The following TECRL variants were observed in gnomAD, a reference collection of about 807,000 sequenced individuals.
TECRL encodes trans-2,3-enoyl-CoA reductase like.
Under a neutral mutation model 52.8 loss-of-function variants are expected in TECRL, and 63 were observed. The ratio of observed to expected loss-of-function variants is 1.19; its 90% CI spans 0.97 to 1.47. The LOEUF (loss-of-function observed/expected upper bound fraction) is 1.47. Among genes scored for constraint, TECRL ranks in the 40% most tolerant of loss-of-function variants. The probability of loss-of-function intolerance (pLI) is 0.00; values close to 1 mark genes in which losing one functional copy is unlikely to be tolerated. For missense variants in TECRL, 482 were observed against 429.6 expected, an observed-to-expected ratio of 1.12 and a Z score of -1.08; for synonymous variants, 164 against 141.9, an observed-to-expected ratio of 1.16 and a Z score of -1.10.
At position 64,363,201 on chromosome 4, in the gene TECRL, G is replaced by T. The variant is rs1721326151; in HGVS notation, c.286+11971C>A. 4.6e-5 allele frequency among the ~76,000 whole-genome samples: 7 copies of T among 152,190 alleles called. No homozygotes were observed. In the South Asian group the frequency reaches 1.4e-3, roughly 32 times the overall value. ...CAGATTAATAAAACAAGTTCTTAGA[G>T]GTTTATGAAGAGACTTAGATAACCA... On this transcript the variant is annotated intron_variant, in intron 2 of 11. Coordinates refer to ENST00000381210, the MANE Select transcript of TECRL (RefSeq NM_001010874.5).
intron 1 of TECRL, among the ~76,000 whole-genome samples, chr4:64,379,247 T>TACACAC (rs4034911): frequency 2.7e-4 from 39 of 145,424 alleles, no homozygotes; most frequent in African/African-American, 7.4e-4. Flanking sequence ...CACACACACA[T>TACACAC]ACACACACAC....
intron 1 of TECRL, among the ~76,000 whole-genome samples, chr4:64,388,159 A>T: frequency 6.8e-6 from 1 of 147,302 alleles, no homozygotes; most frequent in African/African-American, 2.5e-5. Context: ...ATAGTTTTAC[A>T]TTTAGGTCTG....
At chr4:64,294,438 T>G (rs745982801) in intron 8 of TECRL, among the ~76,000 whole-genome samples, 1 of 152,076 alleles carries the variant, frequency 6.6e-6, no homozygotes, top group Admixed American at 6.6e-5. Context: ...TGAAAGAAAA[T>G]AGGTTATGAT....
At chr4:64,353,525 A>G (rs1391153525) in intron 2 of TECRL, among the ~76,000 whole-genome samples, 1 of 152,166 alleles carries the variant, frequency 6.6e-6, no homozygotes, top group African/African-American at 2.4e-5. Context: ...AATGTAAGAG[A>G]GACAGTGGTG....
At chr4:64,377,907 T>C (rs1411768117) in intron 1 of TECRL, among the ~76,000 whole-genome samples, 3 of 152,056 alleles carry the variant, frequency 2.0e-5, no homozygotes. Flanking sequence ...ATACTGCTCA[T>C]CCTGATTACA....
chr4:64,337,409 G>A (rs1318045003), intron 2 of TECRL, among the ~76,000 whole-genome samples: 1 of 152,108 alleles, frequency 6.6e-6, no homozygotes, highest in Admixed American at 6.5e-5. Flanking sequence ...TCAACATAGT[G>A]TTGGAAGTTC....
chr4:64,293,186 T>C (rs1408730543), intron 8 of TECRL, among the ~76,000 whole-genome samples: 1 of 152,086 alleles, frequency 6.6e-6, no homozygotes, highest in Non-Finnish European at 1.5e-5. Flanking sequence ...GAAGAATCAG[T>C]GTCTACACAC....
At chr4:64,297,925 G>T (rs1019985119) in intron 8 of TECRL, among the ~76,000 whole-genome samples, 4 of 150,958 alleles carry the variant, frequency 2.6e-5, no homozygotes, top group African/African-American at 9.7e-5. Context: ...GGACTAACAG[G>T]TCTTCTTTAT....
chr4:64,361,376 A>T (rs758670580), intron 2 of TECRL, among the ~76,000 whole-genome samples: 2 of 152,072 alleles, frequency 1.3e-5, no homozygotes, highest in Non-Finnish European at 2.9e-5. Context: ...AGGTGTGCCC[A>T]TATGCATGGA....
intron 7 of TECRL, among the ~76,000 whole-genome samples, chr4:64,302,592 T>A (rs1724085334): frequency 1.2e-5 from 1 of 86,622 alleles, no homozygotes; most frequent in African/African-American, 2.7e-5. Context: ...TCCAGTAACT[T>A]TTTTTTCTAA....
At chr4:64,330,428 T>C (rs973904988) in intron 2 of TECRL, among the ~76,000 whole-genome samples, 1 of 152,058 alleles carries the variant, frequency 6.6e-6, no homozygotes, top group African/African-American at 2.4e-5. Context: ...AGTTCAAATG[T>C]TGATAGCCCA....
chr4:64,332,411 T>G (rs2110053544), intron 2 of TECRL, among the ~76,000 whole-genome samples: 1 of 152,290 alleles, frequency 6.6e-6, no homozygotes, highest in East Asian at 1.9e-4. Flanking sequence ...CAGAGGCAAA[T>G]ATAAATCTTC....
intron 2 of TECRL, among the ~76,000 whole-genome samples, chr4:64,370,244 G>A (rs1278280127): frequency 5.9e-5 from 9 of 151,834 alleles, no homozygotes. Context: ...TTCATTTGAA[G>A]AGGAAATATG....
At chr4:64,291,697 GA>G (rs1392078111) in intron 8 of TECRL, among the ~76,000 whole-genome samples, 5 of 151,660 alleles carry the variant, frequency 3.3e-5, no homozygotes, top group Admixed American at 2.6e-4. Context: ...AATGAGCCAT[GA>G]AAAAAATAGC....
chr4:64,279,867 C>G lies in TECRL; in HGVS notation c.*205G>C, dbSNP rs1227387411. ...CCATGCAAATACATTCAGAGCTGTT[C>G]TTAGTTAATTGCATTTATAATTTAT... is the stretch of plus-strand genomic sequence containing the variant. On this transcript the variant is annotated 3_prime_UTR_variant, in exon 12 of 12. Coordinates refer to ENST00000381210, the MANE Select transcript of TECRL (RefSeq NM_001010874.5). 1 of 1,112,950 alleles carries G rather than the reference C, an allele frequency of 9.0e-7. No homozygotes were observed. Among genetic ancestry groups the G allele is most frequent in the African/African-American group, 1.6e-5 (1 of 60,672 alleles). The allele number at this position is 1,112,950 out of a possible 1,614,324, so 68.9% of individuals were successfully genotyped here.
At chr4:64,325,338 G>A (rs940157555) in intron 3 of TECRL, among the ~76,000 whole-genome samples, 1 of 152,162 alleles carries the variant, frequency 6.6e-6, no homozygotes, top group African/African-American at 2.4e-5. Context: ...TTATGTTTGA[G>A]TGCTATTTCT....
intron 2 of TECRL, among the ~76,000 whole-genome samples, chr4:64,356,901 A>T (rs1182676589): frequency 1.3e-5 from 2 of 152,292 alleles, no homozygotes; most frequent in South Asian, 4.1e-4. Context: ...AGTTGGATGG[A>T]GGAGATTAAT....
intron 1 of TECRL, among the ~76,000 whole-genome samples, chr4:64,379,527 T>C (rs1722632795): frequency 6.6e-6 from 1 of 152,120 alleles, no homozygotes; most frequent in Non-Finnish European, 1.5e-5. Context: ...ATACAATATA[T>C]GTTAATTGTT....
At chr4:64,328,948 T>A (rs1718441365) in intron 2 of TECRL, among the ~76,000 whole-genome samples, 1 of 151,998 alleles carries the variant, frequency 6.6e-6, no homozygotes, top group Non-Finnish European at 1.5e-5. Context: ...CAAATTCATC[T>A]AATATTTGCA....
Sources: allele counts gnomAD v4.1 joint callset (sites outside exome capture counted in the v4.1 genomes callset), GRCh38; gene constraint gnomAD v4.1.1; transcripts MANE v1.5; gene names NCBI Gene and HGNC (gene_info 2026-07-23, HGNC 2026-07-21).